Variants in CADPS2 observed in about 807,000 individuals in gnomAD.
CADPS2 encodes the protein calcium-dependent secretion activator 2.
Under a neutral mutation model 172.5 loss-of-function variants are expected in CADPS2, and 93 were observed. That is an observed-to-expected ratio of 0.54 (90% CI 0.46 to 0.64). The LOEUF (loss-of-function observed/expected upper bound fraction) is 0.64, where lower values mean the gene tolerates loss of function less well. CADPS2 is among the 30% of genes least tolerant of loss of function. The pLI, the probability that CADPS2 is intolerant of heterozygous loss-of-function variation, is 0.00. For synonymous variants in CADPS2, 546 were observed against 555.2 expected (o/e 0.98, Z 0.23); for missense variants, 1,420 against 1,565.9 (o/e 0.91, Z 1.57).
intron 11 of CADPS2, among the ~76,000 whole-genome samples, chr7:122,487,011 C>CT (rs535575706): frequency 0.025 from 3,089 of 123,210 alleles, 72 homozygotes; most frequent in African/African-American, 0.036. Context: ...ATAAACATAA[C>CT]TTTTTTTTTT....
chr7:122,438,350 T>G lies in CADPS2; in HGVS notation c.2467A>C (p.Lys823Gln). 1 of 1,612,992 alleles carries G rather than the reference T, an allele frequency of 6.2e-7. No individual in the cohort carries two copies. The highest frequency in any genetic ancestry group is 1.1e-5 in the South Asian group (1 of 91,060). The change falls in exon 17 of 30, where the codon AAA (lysine) becomes CAA (glutamine). Residue 823 changes from lysine (K) to glutamine (Q), a missense_variant. By Grantham distance (53) the Lys-to-Gln change is moderately conservative (BLOSUM62 1). Coordinates refer to ENST00000449022, the MANE Select transcript of CADPS2 (RefSeq NM_017954.11). ...TGCTCACTGCACTGACCTTCTATTT[T>G]GGCATATTCTGTGAGTCTAGTGTAA... ...INYTRLTEYA[K>Q]IEETMNQASP...
At chr7:122,547,525 T>C (rs768287610) in intron 8 of CADPS2, among the ~76,000 whole-genome samples, 8 of 152,280 alleles carry the variant, frequency 5.3e-5, no homozygotes, top group Middle Eastern at 3.4e-3. Flanking sequence ...AATTCATCAA[T>C]TCAACAAATA....
At chr7:122,554,718 AC>A (rs1286369393) in intron 7 of CADPS2, 29 bp from the exon 8 acceptor site, 1 of 1,561,458 alleles carries the variant, frequency 6.4e-7, no homozygotes, top group African/African-American at 1.4e-5. Flanking sequence ...CCACATTTAA[AC>A]GCATGATACG....
chr7:122,556,059 A>G (rs1370722962), intron 7 of CADPS2, among the ~76,000 whole-genome samples: 1 of 152,090 alleles, frequency 6.6e-6, no homozygotes, highest in Non-Finnish European at 1.5e-5. Context: ...GCTGTGTTGA[A>G]TCCAGCATAT....
intron 2 of CADPS2, among the ~76,000 whole-genome samples, chr7:122,708,725 A>G (rs1193789142): frequency 6.6e-6 from 1 of 151,738 alleles, no homozygotes; most frequent in East Asian, 1.9e-4. Flanking sequence ...AATTCAAGTC[A>G]TGGTCTACAT....
intron 11 of CADPS2, 49 bp from the exon 12 acceptor site, chr7:122,480,909 G>A (rs1233641035): frequency 7.1e-7 from 1 of 1,412,212 alleles, no homozygotes; most frequent in Non-Finnish European, 9.5e-7. Context: ...AAATGGGTTG[G>A]GAACTATATA....
At chr7:122,505,627 G>A (rs2130615867) in intron 9 of CADPS2, among the ~76,000 whole-genome samples, 1 of 152,220 alleles carries the variant, frequency 6.6e-6, no homozygotes, top group East Asian at 1.9e-4. Flanking sequence ...GAGTACAGAT[G>A]GAAGAGTAAT....
chr7:122,327,369 A>C (rs543308055), intron 28 of CADPS2, among the ~76,000 whole-genome samples: 77 of 152,238 alleles, frequency 5.1e-4, no homozygotes, highest in African/African-American at 1.6e-3. Context: ...GATAATTTGA[A>C]AGTGAAAATA....
chr7:122,662,872 T>G (rs1371981372), intron 3 of CADPS2, among the ~76,000 whole-genome samples: 3 of 152,164 alleles, frequency 2.0e-5, no homozygotes, highest in African/African-American at 7.2e-5. Flanking sequence ...AAAATATTAT[T>G]TTGCAGTGAG....
At chr7:122,687,642 T>C (rs1459148668) in intron 2 of CADPS2, among the ~76,000 whole-genome samples, 3 of 152,194 alleles carry the variant, frequency 2.0e-5, no homozygotes, top group Admixed American at 1.3e-4. Context: ...TAGCAACACC[T>C]TGTGTATTAT....
intron 6 of CADPS2, among the ~76,000 whole-genome samples, chr7:122,595,825 A>T (rs1285830917): frequency 2.0e-5 from 3 of 152,098 alleles, no homozygotes; most frequent in Admixed American, 2.0e-4. Context: ...AGAGGGTAGG[A>T]TCACCTGAGA....
chr7:122,424,429 A>C, intron 17 of CADPS2: 1 of 567,862 alleles, frequency 1.8e-6, no homozygotes, highest in Non-Finnish European at 2.2e-6. Flanking sequence ...AGCTGGGCTG[A>C]ATCCAAACTG....
intron 4 of CADPS2, among the ~76,000 whole-genome samples, chr7:122,624,796 G>T (rs962456304): frequency 1.3e-5 from 2 of 152,168 alleles, no homozygotes; most frequent in African/African-American, 4.8e-5. Context: ...TTCCCTGAGT[G>T]TCTGCTATGT....
At chr7:122,370,965 A>G (rs2041692778) in intron 25 of CADPS2, among the ~76,000 whole-genome samples, 1 of 152,178 alleles carries the variant, frequency 6.6e-6, no homozygotes, top group African/African-American at 2.4e-5. Context: ...CCTGCAAGAT[A>G]TTATTAGGAA....
chr7:122,628,151 T>G (rs1447321360), intron 4 of CADPS2, among the ~76,000 whole-genome samples: 3 of 152,142 alleles, frequency 2.0e-5, no homozygotes, highest in Non-Finnish European at 1.5e-5. Context: ...TATCTACATT[T>G]TTCTCTATTT....
chr7:122,792,432 C>G (rs1795479061), intron 1 of CADPS2, among the ~76,000 whole-genome samples: 1 of 152,120 alleles, frequency 6.6e-6, no homozygotes, highest in Non-Finnish European at 1.5e-5. Context: ...AACCAGGAAG[C>G]ACGGCCTCAC....
chr7:122,632,597 T>C (rs1282719753), intron 3 of CADPS2, among the ~76,000 whole-genome samples: 1 of 152,128 alleles, frequency 6.6e-6, no homozygotes, highest in East Asian at 1.9e-4. Context: ...GTATATTAGA[T>C]CTTTGTCAGA....
rs55789434 is a variant in CADPS2, at chr7:122,762,029, TACACACACAC to T, written c.340-24971_340-24962del. Among the ~76,000 whole-genome samples the T allele has an allele frequency of 7.5e-4, 93 of 124,262 alleles. 1 individual carries two copies. The highest frequency in any genetic ancestry group is 2.6e-3 in the African/African-American group (80 of 31,274). The allele number at this position is 124,262 out of a possible 152,430, so 81.5% of individuals were successfully genotyped here. A position where few individuals can be genotyped will look rare whatever the true frequency, so the allele number is the denominator to read the frequency against. Reference sequence around the variant, plus strand: ...AAAAAAAAAAATATATATATATATATACACACACACACACACACACACACACACGTATATT... The same window carrying T: ...AAAAAAAAAAATATATATATATATATACACACACACACACACACGTATATT... On this transcript the variant is annotated intron_variant, in intron 1 of 29. Transcript: ENST00000449022.
At chr7:122,358,021 A>G (rs1274496846) in intron 27 of CADPS2, among the ~76,000 whole-genome samples, 2 of 152,154 alleles carry the variant, frequency 1.3e-5, no homozygotes, top group African/African-American at 2.4e-5. Context: ...GTTACATAGT[A>G]AGGCTATATT....
Sources: allele counts gnomAD v4.1 joint callset (sites outside exome capture counted in the v4.1 genomes callset), GRCh38; gene constraint gnomAD v4.1.1; transcripts MANE v1.5; gene names NCBI Gene and HGNC (gene_info 2026-07-23, HGNC 2026-07-21).